BMP2K: variants seen among roughly 807,000 people sequenced by gnomAD.
The protein encoded by BMP2K is BMP-2-inducible protein kinase.
Under a neutral mutation model 116.0 loss-of-function variants are expected in BMP2K, and 74 were observed. The observed-to-expected ratio is 0.64, with a 90% confidence interval of 0.53 to 0.77. The LOEUF (loss-of-function observed/expected upper bound fraction) is 0.77. BMP2K is among the 30% of genes least tolerant of loss of function. BMP2K has a pLI of 0.00. For synonymous variants in BMP2K, 486 were observed against 502.5 expected (o/e 0.97, Z 0.44); for missense variants, 1,365 against 1,403.6 (o/e 0.97, Z 0.44).
chr4:78,776,533 C>T lies in BMP2K; in HGVS notation c.-11C>T, dbSNP rs1254154149. ...CACGCTCCCTGCGCCCTCCAGCTCG[C>T]CGGCGGGACCATGAAGAAGTTCTCT... is the stretch of plus-strand genomic sequence containing the variant. On this transcript the variant is annotated 5_prime_UTR_variant, in exon 1 of 16. Transcript: ENST00000502613. 1 of 1,142,662 alleles carries T rather than the reference C, an allele frequency of 8.8e-7. No individual in the cohort carries two copies. The highest frequency in any genetic ancestry group is 1.1e-6 in the Non-Finnish European group (1 of 927,248). The allele number at this position is 1,142,662 out of a possible 1,614,324, so 70.8% of individuals were successfully genotyped here. A position where few individuals can be genotyped will look rare whatever the true frequency, so the allele number is the denominator to read the frequency against.
At chr4:78,870,670 A>G in intron 10 of BMP2K, 113 bp from the exon 11 acceptor site, 1 of 1,378,716 alleles carries the variant, frequency 7.3e-7, no homozygotes, top group Non-Finnish European at 9.7e-7. Flanking sequence ...TTTGTGTTAT[A>G]AATAAGGATA....
chr4:78,776,799 C>T (rs1004937004), intron 1 of BMP2K, 78 bp downstream of exon 1: 7 of 1,163,550 alleles, frequency 6.0e-6, no homozygotes, highest in South Asian at 8.4e-5. Context: ...GGGTCCTCGC[C>T]CTCCGGACTG....
intron 15 of BMP2K, among the ~76,000 whole-genome samples, chr4:78,897,058 G>T (rs1193274539): frequency 6.6e-6 from 1 of 151,892 alleles, no homozygotes; most frequent in Non-Finnish European, 1.5e-5. Flanking sequence ...AATGGAGCTG[G>T]TAAGTAAATA....
chr4:78,831,949 A>G (rs1730227098), intron 2 of BMP2K, among the ~76,000 whole-genome samples: 1 of 152,144 alleles, frequency 6.6e-6, no homozygotes, highest in Non-Finnish European at 1.5e-5. Context: ...AAGCACAGAC[A>G]CAGGTGCATA....
At chr4:78,815,778 A>G (rs1729309915) in intron 1 of BMP2K, among the ~76,000 whole-genome samples, 2 of 152,190 alleles carry the variant, frequency 1.3e-5, no homozygotes, top group African/African-American at 2.4e-5. Context: ...TAGGTAGGAC[A>G]GAGGGTATTA....
intron 15 of BMP2K, among the ~76,000 whole-genome samples, chr4:78,888,873 G>A (rs908375410): frequency 2.0e-5 from 3 of 152,104 alleles, no homozygotes; most frequent in Non-Finnish European, 4.4e-5. Context: ...AAAAAATCAT[G>A]ACTATCTATA....
intron 1 of BMP2K, among the ~76,000 whole-genome samples, chr4:78,817,201 AT>A (rs993566272): frequency 6.6e-6 from 1 of 152,216 alleles, no homozygotes; most frequent in Non-Finnish European, 1.5e-5. Context: ...TCCAAAAACA[AT>A]TCTCTGACAC....
chr4:78,787,862 G>A (rs1414081173), intron 1 of BMP2K, among the ~76,000 whole-genome samples: 1 of 151,992 alleles, frequency 6.6e-6, no homozygotes, highest in African/African-American at 2.4e-5. Context: ...TGGAAGAGAG[G>A]GTTCCAGTAC....
intron 13 of BMP2K, among the ~76,000 whole-genome samples, chr4:78,876,557 CT>C (rs764215920): frequency 4.6e-5 from 7 of 152,148 alleles, no homozygotes; most frequent in Admixed American, 2.0e-4. Context: ...AAATAGACGA[CT>C]TTTGCCTTTC....
At chr4:78,905,263 A>T (rs1198145133) in intron 15 of BMP2K, among the ~76,000 whole-genome samples, 1 of 151,952 alleles carries the variant, frequency 6.6e-6, no homozygotes, top group Non-Finnish European at 1.5e-5. Context: ...TAGTGTCAGT[A>T]ATTAACATGC....
Position 78,894,278 on chromosome 4 carries a change from T to G in BMP2K, c.2062+6994T>G, listed in dbSNP as rs1733586716. 4.6e-5 allele frequency among the ~76,000 whole-genome samples: 7 copies of G among 152,220 alleles called. 1 individual carries two copies. In the South Asian group the frequency reaches 1.0e-3, roughly 22 times the overall value. On this transcript the variant is annotated intron_variant, in intron 15 of 15. Transcript: ENST00000502613. ...TGAATCTTTGAAGCCAGACATGGAC[T>G]TAACTATAGCTCTAAAAGTCCTAGA...
intron 1 of BMP2K, among the ~76,000 whole-genome samples, chr4:78,811,120 C>T: frequency 6.6e-6 from 1 of 152,092 alleles, no homozygotes; most frequent in East Asian, 1.9e-4. Flanking sequence ...TTTTTGTGTG[C>T]CTTAAACGTA....
At chr4:78,826,001 G>A (rs777131361) in intron 1 of BMP2K, 36 bp from the exon 2 acceptor site, 2 of 1,491,714 alleles carry the variant, frequency 1.3e-6, no homozygotes, top group Non-Finnish European at 1.9e-6. Context: ...ATTTGTTTTT[G>A]TTTCTTTTAA....
At chr4:78,859,349 T>C (rs1289286453) in intron 7 of BMP2K, 1 of 327,124 alleles carries the variant, frequency 3.1e-6, no homozygotes, top group Non-Finnish European at 5.5e-6. Context: ...AAGTTTGTCA[T>C]TCATACTTCT....
chr4:78,809,141 GTA>G (rs1245255698), intron 1 of BMP2K, among the ~76,000 whole-genome samples: 1 of 152,100 alleles, frequency 6.6e-6, no homozygotes, highest in Admixed American at 6.5e-5. Context: ...TGTTGTTAGT[GTA>G]TATATGTTTG....
intron 4 of BMP2K, among the ~76,000 whole-genome samples, chr4:78,842,971 T>A (rs1730831878): frequency 6.6e-6 from 1 of 152,020 alleles, no homozygotes; most frequent in African/African-American, 2.4e-5. Context: ...CTTTATAATT[T>A]GGTACAGTTT....
rs1729342580 is a variant in BMP2K, at chr4:78,816,185, G to T, written c.179-9852G>T. 1.3e-5 allele frequency among the ~76,000 whole-genome samples: 2 copies of T among 152,026 alleles called. 1 individual carries two copies. The highest frequency in any genetic ancestry group is 4.8e-5 in the African/African-American group (2 of 41,410). On this transcript the variant is annotated intron_variant, in intron 1 of 15. Coordinates refer to ENST00000502613, the MANE Select transcript of BMP2K (RefSeq NM_198892.2). Reference sequence around the variant, plus strand: ...TGGTAACGTGAAGTTAAACCTTAAGGTTTTTTCAGGCTAAAGGTTTTTTGG... The same window carrying T: ...TGGTAACGTGAAGTTAAACCTTAAGTTTTTTTCAGGCTAAAGGTTTTTTGG...
chr4:78,889,202 T>C (rs569645236), intron 15 of BMP2K, among the ~76,000 whole-genome samples: 30 of 120,340 alleles, frequency 2.5e-4, no homozygotes, highest in Non-Finnish European at 2.9e-4. Context: ...ACCTGGGCGA[T>C]AGAGTGAGAC....
At chr4:78,893,441 A>G (rs999836599) in intron 15 of BMP2K, among the ~76,000 whole-genome samples, 2 of 152,218 alleles carry the variant, frequency 1.3e-5, no homozygotes. Context: ...GTTCTTACGA[A>G]TCACGAATGA....
Sources: gnomAD v4.1 joint callset for allele counts (sites outside exome capture counted in the v4.1 genomes callset) on GRCh38, gnomAD v4.1.1 for gene constraint, MANE v1.5 for transcripts, NCBI Gene and HGNC (gene_info 2026-07-23, HGNC 2026-07-21) for gene names.